The following DTNA variants were observed in gnomAD, a reference collection of about 807,000 sequenced individuals.
The protein encoded by DTNA is dystrophin-related protein 3.
DTNA carries 43 observed loss-of-function variants against 100.7 expected under a neutral mutation model. That is an observed-to-expected ratio of 0.43 (90% CI 0.33 to 0.55). The LOEUF is 0.55. DTNA is among the 20% of genes least tolerant of loss of function. The pLI, the probability that DTNA is intolerant of heterozygous loss-of-function variation, is 0.04. For missense variants in DTNA, 798 were observed against 953.9 expected, an observed-to-expected ratio of 0.84 and a Z score of 2.15; for synonymous variants, 349 against 347.9, an observed-to-expected ratio of 1.00 and a Z score of -0.04.
intron 1 of DTNA, among the ~76,000 whole-genome samples, chr18:34,688,356 G>C (rs1320802815): frequency 6.6e-6 from 1 of 152,162 alleles, no homozygotes; most frequent in African/African-American, 2.4e-5. Context: ...AAATCCCTTA[G>C]TATTTGCTTG....
upstream of DTNA, among the ~76,000 whole-genome samples, chr18:34,709,198 G>A (rs894860948): frequency 2.6e-5 from 4 of 152,190 alleles, no homozygotes; most frequent in Non-Finnish European, 4.4e-5. Flanking sequence ...TCTTTTGATG[G>A]TTACTTGGTA....
At chr18:34,840,963 A>G (rs2096256603) in intron 13 of DTNA, among the ~76,000 whole-genome samples, 1 of 152,102 alleles carries the variant, frequency 6.6e-6, no homozygotes, top group African/African-American at 2.4e-5. Context: ...ATGCTTTACC[A>G]TCATTAAGTT....
At chr18:34,582,246 C>G (rs1367947692) in intron 1 of DTNA, among the ~76,000 whole-genome samples, 1 of 152,032 alleles carries the variant, frequency 6.6e-6, no homozygotes, top group African/African-American at 2.4e-5. Flanking sequence ...ACTGCTACCC[C>G]CTACATCACA....
At chr18:34,689,117 A>G (rs1418000997) in intron 1 of DTNA, among the ~76,000 whole-genome samples, 1 of 151,954 alleles carries the variant, frequency 6.6e-6, no homozygotes, top group Non-Finnish European at 1.5e-5. Flanking sequence ...GGAGTTTGTT[A>G]TTACCCACCT....
chr18:34,890,705 A>G lies in DTNA; in HGVS notation c.*2971A>G. 1.8e-6 allele frequency: 1 copy of G among 541,672 alleles called. No homozygotes were observed. Among genetic ancestry groups the G allele is most frequent in the Admixed American group, 3.2e-5 (1 of 30,774 alleles). 33.6% of individuals were successfully genotyped at this position (541,672 alleles called of 1,614,324 possible). A position where few individuals can be genotyped will look rare whatever the true frequency, so the allele number is the denominator to read the frequency against. On this transcript the variant is annotated 3_prime_UTR_variant, in exon 23 of 23. Coordinates refer to ENST00000444659, the MANE Select transcript of DTNA (RefSeq NM_001386795.1). ...GAAGTTGGGGTAAGTTTGGTTGGTC[A>G]GAGGGAGTTGTGCTGGAGATTGTGA...
intron 9 of DTNA, chr18:34,825,423 T>C: frequency 9.9e-7 from 1 of 1,014,048 alleles, no homozygotes. Context: ...AGGATGCCAC[T>C]TATATAAAAA....
At chr18:34,753,361 A>ATTTATTTTT (rs1568412397) in intron 1 of DTNA, among the ~76,000 whole-genome samples, 5 of 96,878 alleles carry the variant, frequency 5.2e-5, no homozygotes, top group African/African-American at 2.6e-4. Context: ...TTATTTATTT[A>ATTTATTTTT]TTTTATTTTT....
intron 1 of DTNA, among the ~76,000 whole-genome samples, chr18:34,531,917 C>A (rs1284773331): frequency 6.6e-6 from 1 of 152,114 alleles, no homozygotes; most frequent in Non-Finnish European, 1.5e-5. Flanking sequence ...AGAACATGAA[C>A]ATCTTCTGCC....
chr18:34,737,305 A>G (rs2089799399), intron 1 of DTNA, among the ~76,000 whole-genome samples: 1 of 152,202 alleles, frequency 6.6e-6, no homozygotes, highest in Non-Finnish European at 1.5e-5. Context: ...GTGAAATGAT[A>G]TATGTGTACA....
In DTNA at chr18:34,614,153, A is replaced by T. The variant is rs1025363505; in HGVS notation, c.-2+120639A>T. ...AATAACAAAGCTTGGATGATAATGC[A>T]TCTGTTTATAGCATGGTTTCCTGAA... On this transcript the variant is annotated intron_variant, in intron 1 of 19. Transcript: ENST00000283365. 1.4e-4 allele frequency among the ~76,000 whole-genome samples: 21 copies of T among 152,220 alleles called. 1 individual carries two copies. Among genetic ancestry groups the T allele is most frequent in the Admixed American group, 1.2e-3 (18 of 15,288 alleles).
At chr18:34,617,698 G>A (rs1292353273) in intron 1 of DTNA, among the ~76,000 whole-genome samples, 1 of 152,132 alleles carries the variant, frequency 6.6e-6, no homozygotes, top group Non-Finnish European at 1.5e-5. Flanking sequence ...AGTAATAATG[G>A]TACTGGCTCT....
intron 1 of DTNA, among the ~76,000 whole-genome samples, chr18:34,521,902 C>T (rs2042184412): frequency 6.6e-6 from 1 of 152,186 alleles, no homozygotes; most frequent in African/African-American, 2.4e-5. Flanking sequence ...CTCTCTCCCC[C>T]ACTACAATGT....
intron 1 of DTNA, among the ~76,000 whole-genome samples, chr18:34,513,023 A>G (rs1421473118): frequency 6.6e-6 from 1 of 152,100 alleles, no homozygotes; most frequent in Non-Finnish European, 1.5e-5. Context: ...AATCCATGGA[A>G]AACTTTAATA....
chr18:34,709,888 A>T (rs144210434), upstream of DTNA, among the ~76,000 whole-genome samples: 1,705 of 152,246 alleles, frequency 0.011, 13 homozygotes, highest in Non-Finnish European at 0.019. Context: ...ACATTACTGC[A>T]TTTTTTAATG....
Position 34,888,688 on chromosome 18 carries a change from C to T in DTNA, c.*954C>T. On this transcript the variant is annotated 3_prime_UTR_variant, in exon 23 of 23. Coordinates refer to ENST00000444659, the MANE Select transcript of DTNA (RefSeq NM_001386795.1). ...ATAAACCACAGGTGCCATAAGATCC[C>T]CAAACGGACTAAAGTTATCTCTGCT... 1 of 985,804 alleles carries T rather than the reference C, an allele frequency of 1.0e-6. No homozygotes were observed. The highest frequency in any genetic ancestry group is 1.7e-5 in the African/African-American group (1 of 57,342). The allele number at this position is 985,804 out of a possible 1,614,324, so 61.1% of individuals were successfully genotyped here.
chr18:34,667,232 A>G (rs926129265), intron 1 of DTNA, among the ~76,000 whole-genome samples: 4 of 152,058 alleles, frequency 2.6e-5, no homozygotes, highest in African/African-American at 7.2e-5. Flanking sequence ...TTTGTCTGTT[A>G]TTGATGTATA....
rs1263647847 is a variant in DTNA, at chr18:34,891,310, T to G, written c.*3576T>G. On this transcript the variant is annotated 3_prime_UTR_variant, in exon 23 of 23. Coordinates refer to ENST00000444659, the MANE Select transcript of DTNA (RefSeq NM_001386795.1). Reference sequence around the variant, plus strand: ...TGTGTGTTGGAACCTCCTGGGGACATGTTATATTTTGAAGTGATTAAACTA... The same window carrying G: ...TGTGTGTTGGAACCTCCTGGGGACAGGTTATATTTTGAAGTGATTAAACTA... 1.3e-5 allele frequency: 2 copies of G among 152,528 alleles called. No homozygotes were observed. Among genetic ancestry groups the G allele is most frequent in the African/African-American group, 4.8e-5 (2 of 41,428 alleles). 9.4% of individuals were successfully genotyped at this position (152,528 alleles called of 1,614,324 possible).
intron 1 of DTNA, among the ~76,000 whole-genome samples, chr18:34,684,329 T>C (rs1257506267): frequency 6.6e-6 from 1 of 152,072 alleles, no homozygotes; most frequent in African/African-American, 2.4e-5. Flanking sequence ...CCCTGGTGTG[T>C]GATGTTCCCC....
At chr18:34,688,579 T>G (rs1266628942) in intron 1 of DTNA, among the ~76,000 whole-genome samples, 1 of 152,186 alleles carries the variant, frequency 6.6e-6, no homozygotes, top group Admixed American at 6.5e-5. Flanking sequence ...TTAACATTTT[T>G]TCCTTCATTT....
Sources: allele counts gnomAD v4.1 joint callset (sites outside exome capture counted in the v4.1 genomes callset), GRCh38; gene constraint gnomAD v4.1.1; transcripts MANE v1.5; gene names NCBI Gene and HGNC (gene_info 2026-07-23, HGNC 2026-07-21).